The following C2CD5 variants were observed in gnomAD, a reference collection of about 807,000 sequenced individuals.
C2CD5 encodes C2 calcium dependent domain containing 5.
Under a neutral mutation model 130.3 loss-of-function variants are expected in C2CD5, and 109 were observed. That is an observed-to-expected ratio of 0.84 (90% CI 0.72 to 0.98). The LOEUF is 0.98. Among genes scored for constraint, C2CD5 ranks in the 50% least tolerant of loss-of-function variants. The pLI, the probability that C2CD5 is intolerant of heterozygous loss-of-function variation, is 0.00. For missense variants in C2CD5, 996 were observed against 1,261.8 expected, an observed-to-expected ratio of 0.79 and a Z score of 3.19; for synonymous variants, 454 against 429.2, an observed-to-expected ratio of 1.06 and a Z score of -0.71.
In C2CD5 at chr12:22,500,140, C is replaced by T. The variant is rs577137654; in HGVS notation, c.1147+6571G>A. Among the ~76,000 whole-genome samples, 7 of 152,046 alleles carry T rather than the reference C, an allele frequency of 4.6e-5. No homozygotes were observed. The South Asian group carries it at 1.2e-3, about 27-fold the overall frequency. On this transcript the variant is annotated intron_variant, in intron 10 of 26. Coordinates refer to ENST00000446597, the MANE Select transcript of C2CD5 (RefSeq NM_001286176.2). Reference sequence around the variant, plus strand: ...CGGAGGTTGCAGTGAGCTGAGATCACGCCACTGAACTCCAGCCTGGGTGAC... The same window carrying T: ...CGGAGGTTGCAGTGAGCTGAGATCATGCCACTGAACTCCAGCCTGGGTGAC...
chr12:22,543,930 G>A (rs1052083892), intron 2 of C2CD5, 131 bp downstream of exon 2: 5 of 678,408 alleles, frequency 7.4e-6, no homozygotes, highest in Non-Finnish European at 1.3e-5. Flanking sequence ...CCTCGTGGGA[G>A]AGCTGGACAA....
chr12:22,453,971 A>C lies in C2CD5; in HGVS notation c.2949T>G (p.Ala983=). ...EVFAMVRAHV[A]ALGGNAVVSY... ...AGACAACAGCATTCCCTCCTAATGCAGCAACATGAGCTCTCACCATTGCAA... is the reference window on the plus strand; with the variant it reads ...AGACAACAGCATTCCCTCCTAATGCCGCAACATGAGCTCTCACCATTGCAA... Residue 983 remains alanine, a synonymous_variant, in exon 26 of 27, where the codon GCT becomes GCG. Transcript: ENST00000446597. 2 of 1,613,566 alleles carry C rather than the reference A, an allele frequency of 1.2e-6. No individual in the cohort carries two copies. Among genetic ancestry groups the C allele is most frequent in the South Asian group, 2.2e-5 (2 of 91,066 alleles).
intron 21 of C2CD5, 66 bp downstream of exon 21, chr12:22,470,758 A>G (rs976263470): frequency 3.2e-6 from 3 of 937,202 alleles, no homozygotes; most frequent in African/African-American, 1.6e-5. Context: ...CCTGTCCTGT[A>G]TATTTTATCA....
At position 22,476,288 on chromosome 12, in the gene C2CD5, C is replaced by T. The variant is rs187637871; in HGVS notation, c.1903-1397G>A. ...TATTCAGGGTGGACATAACACAACA[C>T]TGTAATGTGTATAGTGGCCTGGTAA... is the stretch of plus-strand genomic sequence containing the variant. On this transcript the variant is annotated intron_variant, in intron 15 of 26. Transcript: ENST00000446597. Among the ~76,000 whole-genome samples, 11 of 152,114 alleles carry T rather than the reference C, an allele frequency of 7.2e-5. No homozygotes were observed. In the East Asian group the frequency reaches 2.1e-3, roughly 29 times the overall value.
chr12:22,465,681 T>G (rs1279927467), intron 22 of C2CD5, among the ~76,000 whole-genome samples: 3 of 152,058 alleles, frequency 2.0e-5, no homozygotes, highest in Non-Finnish European at 4.4e-5. Context: ...GATACACACA[T>G]TATTTTTAAA....
chr12:22,539,450 C>T (rs1952133947), intron 2 of C2CD5, among the ~76,000 whole-genome samples: 1 of 152,084 alleles, frequency 6.6e-6, no homozygotes, highest in Non-Finnish European at 1.5e-5. Context: ...TCTCCCTTCC[C>T]CTAAGTCACA....
At chr12:22,538,525 T>C (rs1952037468) in intron 2 of C2CD5, among the ~76,000 whole-genome samples, 1 of 152,216 alleles carries the variant, frequency 6.6e-6, no homozygotes, top group Non-Finnish European at 1.5e-5. Flanking sequence ...TATGGAAGGA[T>C]GCAGAACGCT....
intron 16 of C2CD5, among the ~76,000 whole-genome samples, chr12:22,474,327 T>C (rs1264254595): frequency 1.3e-5 from 2 of 151,610 alleles, no homozygotes; most frequent in African/African-American, 4.9e-5. Context: ...GGATCAATTA[T>C]ACCTTTTGAA....
chr12:22,461,939 T>C (rs1402857671), intron 22 of C2CD5, among the ~76,000 whole-genome samples: 2 of 150,376 alleles, frequency 1.3e-5, no homozygotes, highest in Non-Finnish European at 2.9e-5. Flanking sequence ...GGCCAGCTGG[T>C]CCCAGCAGCA....
intron 8 of C2CD5, among the ~76,000 whole-genome samples, chr12:22,516,836 A>G (rs1402929939): frequency 6.6e-6 from 1 of 151,798 alleles, no homozygotes; most frequent in East Asian, 1.9e-4. Context: ...TTTCACTACA[A>G]TCTGGATGGT....
intron 14 of C2CD5, among the ~76,000 whole-genome samples, chr12:22,480,226 G>C (rs986642865): frequency 5.9e-5 from 9 of 152,194 alleles, no homozygotes; most frequent in African/African-American, 2.2e-4. Context: ...GCATCAGAGA[G>C]GCCTGATTTG....
At position 22,449,846 on chromosome 12, in the gene C2CD5, G is replaced by T. The variant is rs770702545; in HGVS notation, c.3070C>A (p.Arg1024Ser). ...GACACCACTTCTAAGTCAGATTCAC[G>T]AACAAAAACCACTGCATCACCACTT... ...NVSGDAVVFV[R>S]ESDLEVVSSQ... The change falls in exon 27 of 27, where the codon CGT becomes AGT. Residue 1024 changes from arginine to serine, a missense_variant. Arg to Ser is a moderately radical substitution (Grantham distance 110, BLOSUM62 -1). This residue lies in a region of C2CD5 where 48 missense variants were observed against 46.4 expected (regional missense o/e 1.03). Coordinates refer to ENST00000446597, the MANE Select transcript of C2CD5 (RefSeq NM_001286176.2). 1 of 1,610,312 alleles carries T rather than the reference G, an allele frequency of 6.2e-7. No homozygotes were observed. The highest frequency in any genetic ancestry group is 8.5e-7 in the Non-Finnish European group (1 of 1,177,200).
chr12:22,488,141 A>G lies in C2CD5; in HGVS notation c.1358+1982T>C, dbSNP rs1945812317. Among the ~76,000 whole-genome samples the G allele has an allele frequency of 3.3e-5, 5 of 152,254 alleles. 1 individual carries two copies. The South Asian group carries it at 1.0e-3, about 32-fold the overall frequency. ...GCACATCAACATGGCACAGGTATACATATGTAACAAACCTGCACGTTGTGC... is the reference window on the plus strand; with the variant it reads ...GCACATCAACATGGCACAGGTATACGTATGTAACAAACCTGCACGTTGTGC... On this transcript the variant is annotated intron_variant, in intron 12 of 26. Transcript: ENST00000446597.
chr12:22,512,605 C>A, intron 9 of C2CD5: 1 of 1,293,470 alleles, frequency 7.7e-7, no homozygotes, highest in South Asian at 1.5e-5. Context: ...AGAAAGCTAT[C>A]AATACAAGAA....
Position 22,459,544 on chromosome 12 carries a change from T to C in C2CD5, c.2534-2A>G, listed in dbSNP as rs1322105497. On this transcript the variant is annotated splice_acceptor_variant, in intron 22 of 26. Transcript: ENST00000446597. LOFTEE classifies it high-confidence loss of function. ...TAGAACTTGCACTCTCCAGGTGTTC[T>C]AATAAGACAATATGAACAACATTAG... The C allele has an allele frequency of 6.6e-7, 1 of 1,523,072 alleles. No individual in the cohort carries two copies. The highest frequency in any genetic ancestry group is 8.8e-7 in the Non-Finnish European group (1 of 1,135,338). 94.3% of individuals were successfully genotyped at this position (1,523,072 alleles called of 1,614,324 possible). A position where few individuals can be genotyped will look rare whatever the true frequency, so the allele number is the denominator to read the frequency against.
At chr12:22,503,776 T>C (rs1948115428) in intron 10 of C2CD5, among the ~76,000 whole-genome samples, 1 of 152,328 alleles carries the variant, frequency 6.6e-6, no homozygotes, top group South Asian at 2.1e-4. Context: ...CCTCCCAAAA[T>C]GTTGGGATTA....
At chr12:22,536,751 G>C (rs1215087887) in intron 2 of C2CD5, among the ~76,000 whole-genome samples, 1 of 152,184 alleles carries the variant, frequency 6.6e-6, no homozygotes, top group Non-Finnish European at 1.5e-5. Flanking sequence ...GTAGGAAATA[G>C]AGTACAGTGG....
At chr12:22,490,727 A>G (rs1946227512) in intron 11 of C2CD5, among the ~76,000 whole-genome samples, 1 of 152,150 alleles carries the variant, frequency 6.6e-6, no homozygotes, top group Admixed American at 6.5e-5. Context: ...TACTAAATGA[A>G]GCTTAAACTA....
chr12:22,469,678 TTG>T lies in C2CD5; in HGVS notation c.2533+29_2533+30del, dbSNP rs771746368. ...AGTGAAAGGAACTAGAAACCAGGAT[TTG>T]TGTTTGCTTTTTCCCTCACTTAACC... On this transcript the variant is annotated intron_variant, in intron 22 of 26. Transcript: ENST00000446597. 36 of 1,364,036 alleles carry T rather than the reference TTG, an allele frequency of 2.6e-5. No individual in the cohort carries two copies. In the South Asian group the frequency reaches 4.5e-4, roughly 17 times the overall value. The allele number at this position is 1,364,036 out of a possible 1,614,324, so 84.5% of individuals were successfully genotyped here.
Sources: gnomAD v4.1 joint callset for allele counts (sites outside exome capture counted in the v4.1 genomes callset) on GRCh38, gnomAD v4.1.1 for gene constraint, gnomAD v4.1.1 regional missense constraint, MANE v1.5 for transcripts, NCBI Gene and HGNC (gene_info 2026-07-23, HGNC 2026-07-21) for gene names.